Variants in ADGRL4 observed in about 807,000 individuals in gnomAD.
The protein encoded by ADGRL4 is adhesion G protein-coupled receptor L4, also known as EGF, latrophilin and seven transmembrane domain containing 1.
Under a neutral mutation model 74.8 loss-of-function variants are expected in ADGRL4, and 90 were observed. That is an observed-to-expected ratio of 1.20 (90% confidence interval 1.02 to 1.43). ADGRL4 has a LOEUF of 1.43. Among genes scored for constraint, ADGRL4 ranks in the 40% most tolerant of loss-of-function variants. The pLI, the probability that ADGRL4 is intolerant of heterozygous loss-of-function variation, is 0.00. For synonymous variants in ADGRL4, 311 were observed against 279.2 expected, an observed-to-expected ratio of 1.11 and a Z score of -1.14; for missense variants, 881 against 814.3, an observed-to-expected ratio of 1.08 and a Z score of -1.00.
At chr1:78,988,860 T>A (rs1650548498) in intron 2 of ADGRL4, among the ~76,000 whole-genome samples, 1 of 151,828 alleles carries the variant, frequency 6.6e-6, no homozygotes, top group South Asian at 2.1e-4. Context: ...CCCTGCAAAA[T>A]GAATTTTCTT....
Position 78,921,789 on chromosome 1 carries a change from G to GA in ADGRL4, c.1084-4dup. 15 of 1,452,702 alleles carry GA rather than the reference G, an allele frequency of 1.0e-5. No homozygotes were observed. The highest frequency in any genetic ancestry group is 5.8e-5 in the South Asian group (4 of 68,936). 90.0% of individuals were successfully genotyped at this position (1,452,702 alleles called of 1,614,324 possible). On this transcript the variant is annotated splice_polypyrimidine_tract_variant and splice_region_variant and intron_variant, in intron 8 of 14. Coordinates refer to ENST00000370742, the MANE Select transcript of ADGRL4 (RefSeq NM_022159.4). ...AGACTCCTATACCTATCTGTGACCT[G>GA]AAAAAAAGATACTTTACTGATGAAA... is the stretch of plus-strand genomic sequence containing the variant.
rs67005634 is a variant in ADGRL4 at position 78,999,788 on chromosome 1, ATATCTATCTATC to A, written c.172+5270_172+5281del. ...TATTATATGATACACATCTATAGTT[ATATCTATCTATC>A]TATCTATCTATCTATCTATCTATCT... On this transcript the variant is annotated intron_variant, in intron 2 of 14. Transcript: ENST00000370742. Among the ~76,000 whole-genome samples, 180 of 141,776 alleles carry A rather than the reference ATATCTATCTATC, an allele frequency of 1.3e-3. 3 individuals carry two copies. The highest frequency in any genetic ancestry group is 7.6e-3 in the East Asian group (36 of 4,738). The allele number at this position is 141,776 out of a possible 152,430, so 93.0% of individuals were successfully genotyped here. A position where few individuals can be genotyped will look rare whatever the true frequency, so the allele number is the denominator to read the frequency against.
intron 1 of ADGRL4, 144 bp from the exon 2 acceptor site, chr1:79,005,363 G>T: frequency 3.2e-6 from 2 of 617,092 alleles, no homozygotes; most frequent in East Asian, 3.3e-5. Flanking sequence ...AGAGCACTTA[G>T]CTAAGTAACA....
intron 3 of ADGRL4, among the ~76,000 whole-genome samples, chr1:78,945,380 A>G (rs1344091989): frequency 6.6e-6 from 1 of 151,764 alleles, no homozygotes; most frequent in African/African-American, 2.4e-5. Flanking sequence ...GCCTCAGCAT[A>G]CCTATTAATT....
chr1:78,955,782 C>G (rs1649817345), intron 2 of ADGRL4, among the ~76,000 whole-genome samples: 1 of 152,004 alleles, frequency 6.6e-6, no homozygotes, highest in Admixed American at 6.6e-5. Context: ...AGTTTTTCCA[C>G]ACCTTCATAA....
chr1:78,897,787 A>C (rs2100652212), intron 12 of ADGRL4, among the ~76,000 whole-genome samples: 1 of 152,324 alleles, frequency 6.6e-6, no homozygotes, highest in Non-Finnish European at 1.5e-5. Flanking sequence ...GTAAATAAAG[A>C]AAAATGTAAG....
In ADGRL4 at chr1:78,920,334, A is replaced by G. The variant is rs745803590; in HGVS notation, c.1310T>C (p.Ile437Thr). The G allele has an allele frequency of 2.7e-5, 44 of 1,608,482 alleles. No homozygotes were observed. Among genetic ancestry groups the G allele is most frequent in the Non-Finnish European group, 3.7e-5 (44 of 1,175,850 alleles). The change falls in exon 10 of 15, where the codon ATT becomes ACT. Residue 437 changes from isoleucine (I) to threonine (T), a missense_variant. Ile to Thr is a moderately conservative substitution (Grantham distance 89, BLOSUM62 -1). Coordinates refer to ENST00000370742, the MANE Select transcript of ADGRL4 (RefSeq NM_022159.4). ...GCATATGGCAAGACAAATCAGTGAA[A>G]TAATTATTCCTAGTTGAGTGATCCT... is the stretch of plus-strand genomic sequence containing the variant. ...LTRITQLGII[I>T]SLICLAICIF...
chr1:78,946,637 T>G (rs12405700), intron 2 of ADGRL4, among the ~76,000 whole-genome samples: 18,468 of 152,144 alleles, frequency 0.12, 1,279 homozygotes, highest in East Asian at 0.33. Context: ...AGCAAAATAG[T>G]ATCTCTTACT....
intron 2 of ADGRL4, among the ~76,000 whole-genome samples, chr1:78,954,173 TAATA>T (rs1256363744): frequency 6.6e-6 from 1 of 151,700 alleles, no homozygotes; most frequent in African/African-American, 2.4e-5. Flanking sequence ...AATAAATAAA[TAATA>T]AATAAATAGT....
chr1:78,951,945 C>T (rs1649731328), intron 2 of ADGRL4, among the ~76,000 whole-genome samples: 1 of 152,070 alleles, frequency 6.6e-6, no homozygotes, highest in Non-Finnish European at 1.5e-5. Context: ...GACCATAAAC[C>T]ATATGATTAT....
At chr1:78,945,414 T>C (rs147272491) in intron 3 of ADGRL4, among the ~76,000 whole-genome samples, 1,660 of 152,044 alleles carry the variant, frequency 0.011, 31 homozygotes, top group African/African-American at 0.037. Flanking sequence ...ATCATAATTA[T>C]AATAGTTATT....
At chr1:78,918,783 C>T (rs945744561) in intron 10 of ADGRL4, among the ~76,000 whole-genome samples, 9 of 151,542 alleles carry the variant, frequency 5.9e-5, no homozygotes, top group Non-Finnish European at 1.0e-4. Context: ...GAATATAATT[C>T]AAGATTAATG....
chr1:78,944,818 ATGT>A (rs1385792229), intron 3 of ADGRL4, among the ~76,000 whole-genome samples: 3 of 152,130 alleles, frequency 2.0e-5, no homozygotes, highest in East Asian at 1.9e-4. Flanking sequence ...AACAGAGTAA[ATGT>A]TGTGAAGCGT....
chr1:79,006,513 C>A (rs1650965257), intron 1 of ADGRL4, 120 bp downstream of exon 1: 5 of 1,139,658 alleles, frequency 4.4e-6, no homozygotes, highest in Admixed American at 5.4e-5. Flanking sequence ...TAAATCAATT[C>A]TCCTCGGAGA....
intron 12 of ADGRL4, among the ~76,000 whole-genome samples, chr1:78,903,298 AAGAT>A (rs1447920464): frequency 6.6e-6 from 1 of 152,186 alleles, no homozygotes; most frequent in Non-Finnish European, 1.5e-5. Context: ...AATAAGACTT[AAGAT>A]GTCTCCAAGT....
chr1:79,002,823 A>T (rs1192722926), intron 2 of ADGRL4, among the ~76,000 whole-genome samples: 1 of 152,100 alleles, frequency 6.6e-6, no homozygotes, highest in Non-Finnish European at 1.5e-5. Context: ...CTTAATAAAC[A>T]TCTGTTGAAA....
chr1:78,995,012 T>C (rs1650685369), intron 2 of ADGRL4, among the ~76,000 whole-genome samples: 1 of 152,204 alleles, frequency 6.6e-6, no homozygotes, highest in Non-Finnish European at 1.5e-5. Flanking sequence ...CCATTTTGTT[T>C]TAGTTGTTAG....
At chr1:79,001,013 G>GA (rs1218708544) in intron 2 of ADGRL4, among the ~76,000 whole-genome samples, 1 of 151,858 alleles carries the variant, frequency 6.6e-6, no homozygotes, top group Admixed American at 6.6e-5. Context: ...ATATTCGTGA[G>GA]ATATATACTT....
At chr1:78,936,741 C>T (rs1649363598) in intron 6 of ADGRL4, among the ~76,000 whole-genome samples, 1 of 152,146 alleles carries the variant, frequency 6.6e-6, no homozygotes, top group Admixed American at 6.5e-5. Context: ...AGAATAGTGT[C>T]TACAACTTAC....
Sources: gnomAD v4.1 joint callset for allele counts (sites outside exome capture counted in the v4.1 genomes callset) on GRCh38, gnomAD v4.1.1 for gene constraint, MANE v1.5 for transcripts, NCBI Gene and HGNC (gene_info 2026-07-23, HGNC 2026-07-21) for gene names.